COL11A1: variants seen among roughly 807,000 people sequenced by gnomAD.
COL11A1 encodes the protein collagen type XI alpha 1 chain.
In COL11A1, 74 loss-of-function variants were observed where a neutral mutation model predicts 265.2. The ratio of observed to expected loss-of-function variants is 0.28; its 90% confidence interval spans 0.23 to 0.34. COL11A1 has a LOEUF of 0.34. Among genes scored for constraint, COL11A1 ranks in the 10% least tolerant of loss-of-function variants. The pLI, the probability that COL11A1 is intolerant of heterozygous loss-of-function variation, is 1.00. For missense variants in COL11A1, 2,165 were observed against 2,263.6 expected, an observed-to-expected ratio of 0.96 and a Z score of 0.88; for synonymous variants, 816 against 727.6, an observed-to-expected ratio of 1.12 and a Z score of -1.96.
rs189189126 is a variant in COL11A1, at chr1:102,974,719, T to A, written c.2808+111A>T. 19 of 799,346 alleles carry A rather than the reference T, an allele frequency of 2.4e-5. No individual in the cohort carries two copies. The African/African-American group carries it at 2.8e-4, about 12-fold the overall frequency. The allele number at this position is 799,346 out of a possible 1,614,324, so 49.5% of individuals were successfully genotyped here. ...CTTTCTTTGACATCAATTGTAATTTTACAGAGATTTTATCAATATTATATC... is the reference window on the plus strand; with the variant it reads ...CTTTCTTTGACATCAATTGTAATTTAACAGAGATTTTATCAATATTATATC... On this transcript the variant is annotated intron_variant, in intron 36 of 66. Transcript: ENST00000370096.
At chr1:102,968,104 A>C (rs1661620666) in intron 37 of COL11A1, among the ~76,000 whole-genome samples, 1 of 152,220 alleles carries the variant, frequency 6.6e-6, no homozygotes, top group Non-Finnish European at 1.5e-5. Flanking sequence ...AACAAACTAC[A>C]CAGGAAAACT....
At chr1:103,013,140 G>A (rs1217663704) in intron 13 of COL11A1, among the ~76,000 whole-genome samples, 1 of 152,020 alleles carries the variant, frequency 6.6e-6, no homozygotes, top group African/African-American at 2.4e-5. Flanking sequence ...TGCTACTTTT[G>A]AATATTAGAG....
At chr1:102,932,857 G>C (rs1163698945) in intron 46 of COL11A1, among the ~76,000 whole-genome samples, 2 of 151,748 alleles carry the variant, frequency 1.3e-5, no homozygotes, top group Non-Finnish European at 2.9e-5. Flanking sequence ...TTCCCTCGCT[G>C]ATACCCTTTC....
At position 102,906,203 on chromosome 1, in the gene COL11A1, G is replaced by C. The variant is rs984807516; in HGVS notation, c.4086+5956C>G. Among the ~76,000 whole-genome samples the C allele has an allele frequency of 2.3e-4, 35 of 151,854 alleles. 1 individual carries two copies. Among genetic ancestry groups the C allele is most frequent in the African/African-American group, 8.0e-4 (33 of 41,332 alleles). On this transcript the variant is annotated intron_variant, in intron 54 of 66. Coordinates refer to ENST00000370096, the MANE Select transcript of COL11A1 (RefSeq NM_001854.4). ...GTATTGTAAATTAGTTATTATGCCTGCTTTTTAAATGAGAAAACTGAGACT... is the reference window on the plus strand; with the variant it reads ...GTATTGTAAATTAGTTATTATGCCTCCTTTTTAAATGAGAAAACTGAGACT...
intron 26 of COL11A1, among the ~76,000 whole-genome samples, chr1:102,996,626 C>T (rs1043943748): frequency 1.3e-5 from 2 of 151,930 alleles, no homozygotes; most frequent in Non-Finnish European, 2.9e-5. Flanking sequence ...AATGATCCTA[C>T]CCCTGCTACT....
chr1:102,997,135 C>T lies in COL11A1; in HGVS notation c.2197-11G>A. ...TTTCCCAGGATGACCCTATATTTAG[C>T]AAAAACATACACTGATAAGATGTAA... On this transcript the variant is annotated splice_polypyrimidine_tract_variant and intron_variant, in intron 25 of 66. Coordinates refer to ENST00000370096, the MANE Select transcript of COL11A1 (RefSeq NM_001854.4). 1.2e-6 allele frequency: 2 copies of T among 1,605,418 alleles called. No homozygotes were observed. The highest frequency in any genetic ancestry group is 1.7e-6 in the Non-Finnish European group (2 of 1,172,574).
chr1:103,006,428 A>C, intron 15 of COL11A1, 113 bp from the exon 16 acceptor site: 1 of 630,072 alleles, frequency 1.6e-6, no homozygotes, highest in Non-Finnish European at 2.5e-6. Flanking sequence ...TACCTTAATC[A>C]TTCAAACACA....
rs1360987099 is a variant in COL11A1 at position 103,108,210 on chromosome 1, A to T, written c.-32T>A. Reference sequence around the variant, plus strand: ...GCCCCGCACTCACAACTGTGAACTCAACCCACGAAATTGCGACTGCAGACC... The same window carrying T: ...GCCCCGCACTCACAACTGTGAACTCTACCCACGAAATTGCGACTGCAGACC... On this transcript the variant is annotated 5_prime_UTR_variant, in exon 1 of 67. Transcript: ENST00000370096. 4 of 1,585,472 alleles carry T rather than the reference A, an allele frequency of 2.5e-6. No homozygotes were observed. The highest frequency in any genetic ancestry group is 1.7e-5 in the Admixed American group (1 of 59,802).
At chr1:102,996,346 T>C (rs1210524984) in intron 26 of COL11A1, among the ~76,000 whole-genome samples, 1 of 152,050 alleles carries the variant, frequency 6.6e-6, no homozygotes, top group Non-Finnish European at 1.5e-5. Flanking sequence ...CAAAAATTAA[T>C]AACTAGATTT....
rs921335747 is a variant in COL11A1, at chr1:102,971,509, A to T, written c.2809-1237T>A. 1.2e-4 allele frequency among the ~76,000 whole-genome samples: 18 copies of T among 152,224 alleles called. 1 individual carries two copies. Among genetic ancestry groups the T allele is most frequent in the Non-Finnish European group, 7.3e-5 (5 of 68,044 alleles). ...TTTAATAATAATATTTTAAATTATA[A>T]CAGGTACACCTCTCATTGTATGTTA... is the stretch of plus-strand genomic sequence containing the variant. On this transcript the variant is annotated intron_variant, in intron 36 of 66. Transcript: ENST00000370096.
intron 30 of COL11A1, among the ~76,000 whole-genome samples, chr1:102,986,698 C>T (rs925769568): frequency 2.6e-5 from 4 of 152,064 alleles, no homozygotes; most frequent in African/African-American, 7.2e-5. Context: ...ATAGACAGTT[C>T]TTGCTTGTCA....
At chr1:103,104,617 A>G (rs1674551222) in intron 1 of COL11A1, among the ~76,000 whole-genome samples, 1 of 152,186 alleles carries the variant, frequency 6.6e-6, no homozygotes, top group South Asian at 2.1e-4. Flanking sequence ...AAGAAACTTA[A>G]TTTCAAAACT....
intron 28 of COL11A1, among the ~76,000 whole-genome samples, chr1:102,994,233 T>C (rs1354585199): frequency 6.6e-6 from 1 of 152,098 alleles, no homozygotes; most frequent in Non-Finnish European, 1.5e-5. Flanking sequence ...AATTTGGATA[T>C]TTACCCACCC....
rs757150121 is a variant in COL11A1, at chr1:103,022,847, T to C, written c.1140A>G (p.Glu380=). The change falls in exon 8 of 67, where the codon GAA becomes GAG. Residue 380 remains glutamate (E), a synonymous_variant. Transcript: ENST00000370096. The part of the protein sequence containing the change: ...SDLLVDGDLG[E]YDFYEYKEYE... Reference sequence around the variant, plus strand: ...ATTCTTTATATTCATAAAAATCATATTCGCCTAAATCTCCATCTACCAGAA... The same window carrying C: ...ATTCTTTATATTCATAAAAATCATACTCGCCTAAATCTCCATCTACCAGAA... 8.1e-6 allele frequency: 13 copies of C among 1,613,952 alleles called. No homozygotes were observed. Among genetic ancestry groups the C allele is most frequent in the Non-Finnish European group, 1.1e-5 (13 of 1,179,934 alleles).
At chr1:103,080,123 G>A in intron 2 of COL11A1, among the ~76,000 whole-genome samples, 1 of 151,890 alleles carries the variant, frequency 6.6e-6, no homozygotes, top group East Asian at 1.9e-4. Flanking sequence ...GCCACTTAAT[G>A]TAGCAGAAAG....
intron 23 of COL11A1, 30 bp downstream of exon 23, chr1:103,002,398 T>G (rs1430594190): frequency 1.3e-6 from 2 of 1,578,494 alleles, no homozygotes; most frequent in East Asian, 4.5e-5. Context: ...CCCCCATTAT[T>G]TCAAAGGAGC....
intron 15 of COL11A1, among the ~76,000 whole-genome samples, chr1:103,007,395 T>G (rs1014994871): frequency 6.6e-6 from 1 of 152,194 alleles, no homozygotes; most frequent in African/African-American, 2.4e-5. Flanking sequence ...GTAGTTTCAC[T>G]ATAAATATTA....
intron 46 of COL11A1, among the ~76,000 whole-genome samples, chr1:102,924,671 T>C (rs996561253): frequency 5.3e-5 from 8 of 152,290 alleles, no homozygotes; most frequent in Admixed American, 2.6e-4. Flanking sequence ...ATAAAATGTT[T>C]CTTGCTAACA....
At chr1:103,044,637 G>A (rs893383791) in intron 4 of COL11A1, among the ~76,000 whole-genome samples, 1 of 152,024 alleles carries the variant, frequency 6.6e-6, no homozygotes, top group Admixed American at 6.6e-5. Context: ...GTTATAAAAA[G>A]GTAACAGATC....
Sources: allele counts gnomAD v4.1 joint callset (sites outside exome capture counted in the v4.1 genomes callset), GRCh38; gene constraint gnomAD v4.1.1; transcripts MANE v1.5; gene names NCBI Gene and HGNC (gene_info 2026-07-23, HGNC 2026-07-21).